Variants in PTPRD observed in about 807,000 individuals in gnomAD.
The protein encoded by PTPRD is receptor-type tyrosine-protein phosphatase delta.
A neutral mutation model predicts 214.5 loss-of-function variants in PTPRD; 34 were observed. The ratio of observed to expected loss-of-function variants is 0.16; its 90% CI spans 0.12 to 0.21. The LOEUF (loss-of-function observed/expected upper bound fraction) is 0.21, where lower values mean the gene tolerates loss of function less well. Ranked by LOEUF, PTPRD falls within the 10% of genes least tolerant of loss-of-function variation. The probability of loss-of-function intolerance (pLI) is 1.00; values close to 1 mark genes in which losing one functional copy is unlikely to be tolerated. For synonymous variants in PTPRD, 1,128 were observed against 845.7 expected, an observed-to-expected ratio of 1.33 and a Z score of -5.79; for missense variants, 2,545 against 2,398.7, an observed-to-expected ratio of 1.06 and a Z score of -1.27.
At chr9:9,430,289 A>G (rs2082584168) in intron 8 of PTPRD, among the ~76,000 whole-genome samples, 1 of 151,930 alleles carries the variant, frequency 6.6e-6, no homozygotes, top group Non-Finnish European at 1.5e-5. Context: ...TCATGAGTGA[A>G]CTCCCATTCA....
intron 3 of PTPRD, among the ~76,000 whole-genome samples, chr9:10,306,488 TA>T (rs2096073164): frequency 1.3e-5 from 2 of 152,196 alleles, no homozygotes; most frequent in African/African-American, 4.8e-5. Context: ...TAGTTCTCAT[TA>T]TTTTTCCTGT....
chr9:8,690,754 C>T (rs577794306), intron 12 of PTPRD, among the ~76,000 whole-genome samples: 1 of 152,202 alleles, frequency 6.6e-6, no homozygotes, highest in African/African-American at 2.4e-5. Flanking sequence ...ATAGTGAAAT[C>T]TACTCTTAGT....
chr9:8,866,969 G>A (rs903625801), intron 11 of PTPRD, among the ~76,000 whole-genome samples: 2 of 152,130 alleles, frequency 1.3e-5, no homozygotes, highest in African/African-American at 4.8e-5. Context: ...GTTATAAGCG[G>A]GGAGTAGATG....
intron 22 of PTPRD, among the ~76,000 whole-genome samples, chr9:8,505,558 C>T (rs1157133404): frequency 7.1e-6 from 1 of 141,646 alleles, no homozygotes; most frequent in African/African-American, 2.7e-5. Flanking sequence ...GGAGGCAGAG[C>T]TTGCAGTGAG....
At chr9:9,168,077 G>A (rs2099907687) in intron 10 of PTPRD, among the ~76,000 whole-genome samples, 1 of 152,076 alleles carries the variant, frequency 6.6e-6, no homozygotes, top group Non-Finnish European at 1.5e-5. Flanking sequence ...GCTAAATCTG[G>A]TCCACTGCCT....
chr9:10,353,325 A>C (rs1463682592), intron 2 of PTPRD, among the ~76,000 whole-genome samples: 2 of 152,012 alleles, frequency 1.3e-5, no homozygotes, highest in Non-Finnish European at 2.9e-5. Flanking sequence ...GAATGGAACC[A>C]CTAAGGACAA....
At chr9:10,288,287 C>A (rs1024262150) in intron 3 of PTPRD, among the ~76,000 whole-genome samples, 2 of 143,122 alleles carry the variant, frequency 1.4e-5, no homozygotes, top group African/African-American at 2.8e-5. Flanking sequence ...TTCATATTAT[C>A]CAGTTAAAAC....
At chr9:8,809,782 T>A (rs902628024) in intron 11 of PTPRD, among the ~76,000 whole-genome samples, 1 of 152,212 alleles carries the variant, frequency 6.6e-6, no homozygotes, top group Non-Finnish European at 1.5e-5. Flanking sequence ...AGCCTGATAA[T>A]TTGATATGAC....
chr9:9,588,732 C>T (rs2092380230), intron 7 of PTPRD, among the ~76,000 whole-genome samples: 1 of 151,866 alleles, frequency 6.6e-6, no homozygotes, highest in Non-Finnish European at 1.5e-5. Flanking sequence ...AGTGAAAAGA[C>T]AAATGAAATG....
chr9:8,825,116 G>A (rs2097149800), intron 11 of PTPRD, among the ~76,000 whole-genome samples: 1 of 152,094 alleles, frequency 6.6e-6, no homozygotes, highest in Non-Finnish European at 1.5e-5. Context: ...TATGAGTTGG[G>A]TAAATTTCTT....
intron 9 of PTPRD, among the ~76,000 whole-genome samples, chr9:9,248,069 C>T (rs1377222540): frequency 6.6e-6 from 1 of 151,818 alleles, no homozygotes; most frequent in Non-Finnish European, 1.5e-5. Context: ...ACGGAGGAAG[C>T]AATGAGCTCC....
At chr9:8,711,967 G>C (rs181945152) in intron 12 of PTPRD, among the ~76,000 whole-genome samples, 1 of 152,166 alleles carries the variant, frequency 6.6e-6, no homozygotes, top group Non-Finnish European at 1.5e-5. Flanking sequence ...TACATATTGC[G>C]GCAGTGTGAG....
At chr9:9,810,177 A>G (rs1208946320) in intron 5 of PTPRD, among the ~76,000 whole-genome samples, 1 of 150,060 alleles carries the variant, frequency 6.7e-6, no homozygotes, top group Non-Finnish European at 1.5e-5. Flanking sequence ...TCCACACGAT[A>G]GTTTTAAGAA....
chr9:9,279,719 C>G (rs971894000), intron 9 of PTPRD, among the ~76,000 whole-genome samples: 4 of 150,856 alleles, frequency 2.7e-5, no homozygotes, highest in Admixed American at 6.6e-5. Flanking sequence ...CCTCATCTCT[C>G]CATTTGCCTT....
intron 9 of PTPRD, among the ~76,000 whole-genome samples, chr9:9,389,845 A>C (rs941122523): frequency 1.3e-5 from 2 of 152,198 alleles, no homozygotes; most frequent in Non-Finnish European, 2.9e-5. Flanking sequence ...ACAGGAGGGG[A>C]TATTCTAAAC....
intron 2 of PTPRD, among the ~76,000 whole-genome samples, chr9:10,570,807 G>C (rs574809094): frequency 9.8e-4 from 149 of 151,960 alleles, no homozygotes; most frequent in Middle Eastern, 6.9e-3. Context: ...GGCTTCAAGT[G>C]CTCTATTGGC....
intron 11 of PTPRD, among the ~76,000 whole-genome samples, chr9:8,952,336 T>C (rs1255339957): frequency 2.0e-5 from 3 of 151,940 alleles, no homozygotes; most frequent in Non-Finnish European, 2.9e-5. Context: ...ATATAAGTAA[T>C]TGTCATCAAC....
chr9:10,367,483 G>A (rs534115550), intron 2 of PTPRD, among the ~76,000 whole-genome samples: 46 of 152,232 alleles, frequency 3.0e-4, no homozygotes, highest in Non-Finnish European at 5.9e-4. Flanking sequence ...GGGATACAAG[G>A]AACACAAATA....
intron 37 of PTPRD, among the ~76,000 whole-genome samples, chr9:8,382,002 C>A (rs967840378): frequency 1.8e-4 from 28 of 152,354 alleles, no homozygotes; most frequent in African/African-American, 6.7e-4. Context: ...GACCTAATCA[C>A]TCCTGAGGAT....
Sources: gnomAD v4.1 joint callset for allele counts (sites outside exome capture counted in the v4.1 genomes callset) on GRCh38, gnomAD v4.1.1 for gene constraint, MANE v1.5 for transcripts, NCBI Gene and HGNC (gene_info 2026-07-23, HGNC 2026-07-21) for gene names.